CPNE4: variants seen among roughly 807,000 people sequenced by gnomAD.
CPNE4 encodes the protein copine-4.
Under a neutral mutation model 67.9 loss-of-function variants are expected in CPNE4, and 25 were observed. The ratio of observed to expected loss-of-function variants is 0.37; its 90% CI spans 0.27 to 0.51. CPNE4 has a LOEUF of 0.51. CPNE4 is among the 20% of genes least tolerant of loss of function. The pLI, the probability that CPNE4 is intolerant of heterozygous loss-of-function variation, is 0.93. For synonymous variants in CPNE4, 242 were observed against 244.9 expected (o/e 0.99, Z 0.11); for missense variants, 464 against 690.8 (o/e 0.67, Z 3.68).
At chr3:131,557,670 G>C (rs773957371) in intron 11 of CPNE4, among the ~76,000 whole-genome samples, 1 of 152,050 alleles carries the variant, frequency 6.6e-6, no homozygotes, top group East Asian at 1.9e-4. Flanking sequence ...ATTAATGTGG[G>C]TAAATAGAGA....
At chr3:131,786,726 A>G (rs1234769036) in intron 2 of CPNE4, among the ~76,000 whole-genome samples, 1 of 152,206 alleles carries the variant, frequency 6.6e-6, no homozygotes, top group East Asian at 1.9e-4. Context: ...GAAAATAGGA[A>G]TGGTACAAAT....
chr3:132,018,241 A>T (rs1253161253), intron 1 of CPNE4, among the ~76,000 whole-genome samples: 2 of 152,216 alleles, frequency 1.3e-5, no homozygotes, highest in African/African-American at 4.8e-5. Context: ...AAGAAGGTGT[A>T]TGCTTTAGGG....
intron 6 of CPNE4, among the ~76,000 whole-genome samples, chr3:131,676,700 A>C (rs1560097576): frequency 6.6e-6 from 1 of 152,182 alleles, no homozygotes; most frequent in Non-Finnish European, 1.5e-5. Context: ...ATGTCCTTGC[A>C]AAAACATGAT....
At chr3:131,882,460 G>A (rs1170129255) in intron 2 of CPNE4, among the ~76,000 whole-genome samples, 1 of 152,110 alleles carries the variant, frequency 6.6e-6, no homozygotes. Context: ...TGCATTTCTT[G>A]TAGTAACACA....
At chr3:131,949,069 A>G (rs1389491268) in intron 1 of CPNE4, among the ~76,000 whole-genome samples, 1 of 152,162 alleles carries the variant, frequency 6.6e-6, no homozygotes, top group African/African-American at 2.4e-5. Context: ...GATAATATAA[A>G]CCTTGCAGGG....
At chr3:131,586,848 G>A (rs1582848097) in intron 8 of CPNE4, among the ~76,000 whole-genome samples, 1 of 152,236 alleles carries the variant, frequency 6.6e-6, no homozygotes, top group South Asian at 2.1e-4. Context: ...GTGGGACAGT[G>A]TGTCTTAGTG....
chr3:131,773,730 A>T (rs999811830), intron 2 of CPNE4, among the ~76,000 whole-genome samples: 1 of 152,086 alleles, frequency 6.6e-6, no homozygotes, highest in Non-Finnish European at 1.5e-5. Flanking sequence ...TAGAATTTTG[A>T]TATCTTTTGT....
intron 3 of CPNE4, among the ~76,000 whole-genome samples, chr3:131,720,294 T>G (rs1583077388): frequency 6.6e-6 from 1 of 150,440 alleles, no homozygotes; most frequent in East Asian, 2.0e-4. Context: ...GTTTTTTTTT[T>G]TTTTTTTTTT....
rs115602731 is a variant in CPNE4, at chr3:131,672,531, A to G, written c.592-2767T>C. ...AATTTATCCAAAAAAGTTAATATTA[A>G]CTGAGGTGAGTGCTATCTCATTGCA... On this transcript the variant is annotated intron_variant, in intron 6 of 15. Transcript: ENST00000429747. Among the ~76,000 whole-genome samples, 426 of 152,144 alleles carry G rather than the reference A, an allele frequency of 2.8e-3. 2 individuals are homozygous for G. Among genetic ancestry groups the G allele is most frequent in the African/African-American group, 9.6e-3 (397 of 41,536 alleles).
Position 131,622,264 on chromosome 3 carries a change from C to T in CPNE4, c.682-34682G>A, listed in dbSNP as rs894628019. Reference sequence around the variant, plus strand: ...CCTCCTTTTACCTCACTTATTTACTCCCAATTTTGATTTTAGGAAATGGAG... The same window carrying T: ...CCTCCTTTTACCTCACTTATTTACTTCCAATTTTGATTTTAGGAAATGGAG... On this transcript the variant is annotated intron_variant, in intron 7 of 15. Transcript: ENST00000429747. 4.6e-5 allele frequency among the ~76,000 whole-genome samples: 7 copies of T among 152,086 alleles called. No individual in the cohort carries two copies. In the South Asian group the frequency reaches 1.5e-3, roughly 32 times the overall value.
intron 14 of CPNE4, among the ~76,000 whole-genome samples, chr3:131,543,882 C>CT (rs1935665661): frequency 2.6e-5 from 4 of 152,144 alleles, no homozygotes. Flanking sequence ...TGGCTTCCTG[C>CT]TTTAAGTCCT....
chr3:131,587,721 A>G, intron 7 of CPNE4, 139 bp from the exon 8 acceptor site: 1 of 638,478 alleles, frequency 1.6e-6, no homozygotes, highest in Non-Finnish European at 2.7e-6. Flanking sequence ...AGATTGGAGC[A>G]TATGGGATGT....
intron 3 of CPNE4, among the ~76,000 whole-genome samples, chr3:131,705,943 G>A (rs1235027815): frequency 3.3e-5 from 5 of 152,086 alleles, no homozygotes; most frequent in Admixed American, 1.3e-4. Flanking sequence ...GAGGCCATCT[G>A]CCCCACACTT....
At chr3:131,539,532 G>A (rs997892165) in intron 15 of CPNE4, among the ~76,000 whole-genome samples, 32 of 152,028 alleles carry the variant, frequency 2.1e-4, no homozygotes, top group African/African-American at 7.7e-4. Context: ...CTTGAGGTGT[G>A]GATCCATGGT....
chr3:131,572,076 G>C (rs571699247), intron 10 of CPNE4, among the ~76,000 whole-genome samples: 1 of 152,070 alleles, frequency 6.6e-6, no homozygotes, highest in East Asian at 1.9e-4. Flanking sequence ...TTCAGCAAAA[G>C]TATTTTGAGC....
chr3:131,668,876 T>C (rs551833081), intron 7 of CPNE4, among the ~76,000 whole-genome samples: 1 of 152,270 alleles, frequency 6.6e-6, no homozygotes, highest in African/African-American at 2.4e-5. Flanking sequence ...CAGAAAGCCT[T>C]CGTGATAGAT....
intron 2 of CPNE4, among the ~76,000 whole-genome samples, chr3:131,869,013 C>T (rs961917334): frequency 6.6e-6 from 1 of 152,112 alleles, no homozygotes; most frequent in Non-Finnish European, 1.5e-5. Context: ...TACCACGTTA[C>T]CAAGGTTGCT....
At chr3:131,890,956 A>G (rs1188313072) in intron 2 of CPNE4, among the ~76,000 whole-genome samples, 1 of 152,188 alleles carries the variant, frequency 6.6e-6, no homozygotes, top group Non-Finnish European at 1.5e-5. Context: ...GGGGGCATAC[A>G]GGAAGTTGTT....
rs376521202 is a variant in CPNE4, at chr3:131,779,470, C to T, written c.181-55845G>A. Among the ~76,000 whole-genome samples, 11 of 151,776 alleles carry T rather than the reference C, an allele frequency of 7.2e-5. No individual in the cohort carries two copies. The East Asian group carries it at 1.9e-3, about 27-fold the overall frequency. ...ACAGTAACTAAAATGGCATGGTACTCGTAGAAAAAAAAGACACATAGACCA... is the reference window on the plus strand; with the variant it reads ...ACAGTAACTAAAATGGCATGGTACTTGTAGAAAAAAAAGACACATAGACCA... On this transcript the variant is annotated intron_variant, in intron 2 of 15. Transcript: ENST00000429747.
Sources: gnomAD v4.1 joint callset for allele counts (sites outside exome capture counted in the v4.1 genomes callset) on GRCh38, gnomAD v4.1.1 for gene constraint, MANE v1.5 for transcripts, NCBI Gene and HGNC (gene_info 2026-07-23, HGNC 2026-07-21) for gene names.